The following RALYL variants were observed in gnomAD, a reference collection of about 807,000 sequenced individuals.
RALYL encodes RNA-binding Raly-like protein.
Under a neutral mutation model 35.1 loss-of-function variants are expected in RALYL, and 29 were observed. That is an observed-to-expected ratio of 0.83 (90% CI 0.61 to 1.13). RALYL has a LOEUF of 1.13. Ranked by LOEUF, RALYL falls within the 50% of genes most tolerant of loss-of-function variation. The probability of loss-of-function intolerance (pLI) is 0.00; values close to 1 mark genes in which losing one functional copy is unlikely to be tolerated. For missense variants in RALYL, 359 were observed against 360.4 expected (o/e 1.00, Z 0.03); for synonymous variants, 120 against 127.6 (o/e 0.94, Z 0.40).
intron 2 of RALYL, among the ~76,000 whole-genome samples, chr8:84,695,209 T>C (rs2132223637): frequency 6.6e-6 from 1 of 151,866 alleles, no homozygotes; most frequent in Admixed American, 6.6e-5. Flanking sequence ...AATTTTTATG[T>C]TGAGTAATTT....
intron 2 of RALYL, among the ~76,000 whole-genome samples, chr8:84,670,844 G>A (rs1833069097): frequency 6.6e-6 from 1 of 152,098 alleles, no homozygotes; most frequent in Non-Finnish European, 1.5e-5. Flanking sequence ...TTCTGCCTCT[G>A]GCCCCTATCA....
chr8:84,487,432 T>A (rs2054771572), intron 1 of RALYL, among the ~76,000 whole-genome samples: 1 of 152,086 alleles, frequency 6.6e-6, no homozygotes, highest in Non-Finnish European at 1.5e-5. Context: ...TCACTGCACT[T>A]CTACTTTAGC....
At chr8:84,811,471 A>ATAAC (rs1258745699) in intron 4 of RALYL, among the ~76,000 whole-genome samples, 1 of 152,116 alleles carries the variant, frequency 6.6e-6, no homozygotes, top group East Asian at 1.9e-4. Flanking sequence ...TTAACTTTAG[A>ATAAC]TAACTTGATG....
intron 7 of RALYL, among the ~76,000 whole-genome samples, chr8:84,882,017 A>G (rs1261262212): frequency 1.3e-5 from 2 of 152,006 alleles, no homozygotes; most frequent in African/African-American, 4.8e-5. Context: ...ATGATAAATA[A>G]GCCTACATTG....
chr8:84,192,330 A>T (rs1249109924), intron 1 of RALYL, among the ~76,000 whole-genome samples: 1 of 152,224 alleles, frequency 6.6e-6, no homozygotes, highest in Middle Eastern at 3.2e-3. Context: ...GTAAAATGTC[A>T]GTGCCACTGT....
intron 1 of RALYL, among the ~76,000 whole-genome samples, chr8:84,424,448 C>A (rs1469249758): frequency 7.2e-6 from 1 of 139,526 alleles, no homozygotes; most frequent in Admixed American, 7.1e-5. Context: ...GTTATACATT[C>A]TTCTAAATTT....
chr8:84,705,828 A>G, intron 2 of RALYL: 1 of 1,151,730 alleles, frequency 8.7e-7, no homozygotes, highest in Non-Finnish European at 1.2e-6. Context: ...GAAGATTTAC[A>G]TTAAACAGAG....
intron 2 of RALYL, among the ~76,000 whole-genome samples, chr8:84,627,135 A>G (rs1203817817): frequency 1.3e-5 from 2 of 152,080 alleles, no homozygotes; most frequent in East Asian, 3.9e-4. Flanking sequence ...ATAGAAGCAT[A>G]TGGTTCTTAA....
chr8:84,877,905 T>G (rs748625575), intron 7 of RALYL, among the ~76,000 whole-genome samples: 43 of 152,316 alleles, frequency 2.8e-4, no homozygotes, highest in Non-Finnish European at 5.0e-4. Context: ...TGGTGATGCT[T>G]CCGGTTAAAG....
At chr8:84,263,795 GGTT>G (rs1832754376) in intron 1 of RALYL, among the ~76,000 whole-genome samples, 2 of 151,880 alleles carry the variant, frequency 1.3e-5, no homozygotes, top group Admixed American at 1.3e-4. Flanking sequence ...CCCAAGTGTG[GGTT>G]GTTCCTCTCC....
In RALYL at chr8:84,913,025, T is replaced by TA. The variant is rs1241466131; in HGVS notation, c.859-7869_859-7868insA. Among the ~76,000 whole-genome samples the TA allele has an allele frequency of 3.2e-3, 444 of 138,642 alleles. 3 individuals carry two copies. Among genetic ancestry groups the TA allele is most frequent in the African/African-American group, 0.011 (393 of 34,702 alleles). 91.0% of individuals were successfully genotyped at this position (138,642 alleles called of 152,430 possible). On this transcript the variant is annotated intron_variant, in intron 8 of 8. Transcript: ENST00000521268. The stretch of plus-strand genomic sequence containing the variant: ...ATGGATGGATGGATGGATGGATGGA[T>TA]GGATGGATAGGTAGGTAGATAGATA...
intron 2 of RALYL, among the ~76,000 whole-genome samples, chr8:84,706,314 C>T (rs535150253): frequency 6.6e-6 from 1 of 152,266 alleles, no homozygotes; most frequent in African/African-American, 2.4e-5. Flanking sequence ...AGATCAAATG[C>T]AATTTCAGTC....
chr8:84,265,473 G>T (rs954860400), intron 1 of RALYL, among the ~76,000 whole-genome samples: 1 of 152,158 alleles, frequency 6.6e-6, no homozygotes, highest in African/African-American at 2.4e-5. Flanking sequence ...GCTGGGACAG[G>T]CCCTCAGCTG....
intron 2 of RALYL, among the ~76,000 whole-genome samples, chr8:84,531,303 TAGG>T (rs528905049): frequency 7.9e-5 from 12 of 152,156 alleles, no homozygotes; most frequent in Admixed American, 2.0e-4. Flanking sequence ...CATTAAAATG[TAGG>T]AGAAGTCAGA....
At chr8:84,270,337 C>T (rs1586672934) in intron 1 of RALYL, among the ~76,000 whole-genome samples, 1 of 152,132 alleles carries the variant, frequency 6.6e-6, no homozygotes, top group Non-Finnish European at 1.5e-5. Context: ...CAAAGGTGCT[C>T]CTTGAAAGGT....
At chr8:84,623,705 T>C (rs564092913) in intron 2 of RALYL, among the ~76,000 whole-genome samples, 1 of 152,242 alleles carries the variant, frequency 6.6e-6, no homozygotes, top group South Asian at 2.1e-4. Flanking sequence ...TGGGAGTTGA[T>C]GGTGAGGAGG....
At chr8:84,651,821 G>A (rs1828899082) in intron 2 of RALYL, among the ~76,000 whole-genome samples, 2 of 151,988 alleles carry the variant, frequency 1.3e-5, no homozygotes, top group South Asian at 4.1e-4. Flanking sequence ...TGTTGGAAAG[G>A]AACAGGATGT....
intron 3 of RALYL, among the ~76,000 whole-genome samples, chr8:84,778,386 G>T (rs1563583141): frequency 6.6e-6 from 1 of 152,268 alleles, no homozygotes; most frequent in East Asian, 1.9e-4. Context: ...CTTATTATGT[G>T]CTAAGTAAAC....
chr8:84,350,965 C>A (rs574787690), intron 1 of RALYL, among the ~76,000 whole-genome samples: 1 of 149,896 alleles, frequency 6.7e-6, no homozygotes, highest in East Asian at 1.9e-4. Context: ...CCTGGGACTG[C>A]CTTGGATAAG....
Sources: allele counts gnomAD v4.1 joint callset (sites outside exome capture counted in the v4.1 genomes callset), GRCh38; gene constraint gnomAD v4.1.1; transcripts MANE v1.5; gene names NCBI Gene and HGNC (gene_info 2026-07-23, HGNC 2026-07-21).